Variants in PPP1R11 observed in about 807,000 individuals in gnomAD.
PPP1R11 encodes the protein E3 ubiquitin-protein ligase PPP1R11.
A neutral mutation model predicts 11.3 loss-of-function variants in PPP1R11; 10 were observed. That is an observed-to-expected ratio of 0.88 (90% confidence interval 0.55 to 1.50). The LOEUF is 1.50. Ranked by LOEUF, PPP1R11 falls within the 40% of genes most tolerant of loss-of-function variation. The pLI, the probability that PPP1R11 is intolerant of heterozygous loss-of-function variation, is 0.00. For missense variants in PPP1R11, 114 were observed against 179.1 expected, an observed-to-expected ratio of 0.64 and a Z score of 2.07; for synonymous variants, 56 against 62.3, an observed-to-expected ratio of 0.90 and a Z score of 0.48.
At chr6:30,064,455 A>C (rs757922086), upstream of PPP1R11, among the ~76,000 whole-genome samples, 6 of 151,942 alleles carry the variant, frequency 3.9e-5, no homozygotes, top group Non-Finnish European at 8.8e-5. Context: ...CTGTGTCCTA[A>C]GAAATCTTTG....
chr6:30,062,225 T>C (rs1765138691), upstream of PPP1R11: 4 of 1,612,652 alleles, frequency 2.5e-6, no homozygotes, highest in Non-Finnish European at 2.5e-6. Flanking sequence ...TCTTCCCAGG[T>C]TGACAGGCGC....
Sources: gnomAD v4.1 joint callset for allele counts (sites outside exome capture counted in the v4.1 genomes callset) on GRCh38, gnomAD v4.1.1 for gene constraint, MANE v1.5 for transcripts, NCBI Gene and HGNC (gene_info 2026-07-23, HGNC 2026-07-21) for gene names.